HECTD4: variants seen among roughly 807,000 people sequenced by gnomAD.
The protein encoded by HECTD4 is probable E3 ubiquitin-protein ligase HECTD4.
HECTD4 carries 114 observed loss-of-function variants against 471.5 expected under a neutral mutation model. The ratio of observed to expected loss-of-function variants is 0.24; its 90% CI spans 0.21 to 0.28. HECTD4 has a LOEUF of 0.28. Among genes scored for constraint, HECTD4 ranks in the 10% least tolerant of loss-of-function variants. The pLI, the probability that HECTD4 is intolerant of heterozygous loss-of-function variation, is 1.00. For synonymous variants in HECTD4, 2,012 were observed against 2,256.0 expected, an observed-to-expected ratio of 0.89 and a Z score of 3.07; for missense variants, 3,866 against 5,651.5, an observed-to-expected ratio of 0.68 and a Z score of 10.13.
chr12:112,308,923 A>G, intron 5 of HECTD4, 32 bp from the exon 6 acceptor site: 1 of 1,528,682 alleles, frequency 6.5e-7, no homozygotes. Context: ...AGGCTGAATC[A>G]CCTGGCTATG....
chr12:112,327,403 C>CATTAA (rs1044280544), intron 1 of HECTD4, among the ~76,000 whole-genome samples: 3 of 151,750 alleles, frequency 2.0e-5, no homozygotes, highest in Admixed American at 6.6e-5. Context: ...TTAAATAAAA[C>CATTAA]ATTAAATTAA....
At chr12:112,330,557 C>A (rs149851958) in intron 1 of HECTD4, among the ~76,000 whole-genome samples, 1 of 152,144 alleles carries the variant, frequency 6.6e-6, no homozygotes, top group Non-Finnish European at 1.5e-5. Context: ...AGCTCTGATA[C>A]GTGTAACAGT....
rs765717395 is a variant in HECTD4 at position 112,179,431 on chromosome 12, C to T, written c.10988-34G>A. On this transcript the variant is annotated intron_variant, in intron 62 of 75. Transcript: ENST00000682272. This position sits in a 1 kb window ranked among gnomAD's most constrained non-coding sequence, Gnocchi z 4.3. ...TGGAGAGGGGGCAAAACAATTCTGC[C>T]GTGAACATGCATCGGGACAAGCCCT... is the stretch of plus-strand genomic sequence containing the variant. The T allele has an allele frequency of 1.2e-5, 19 of 1,551,086 alleles. 1 individual carries two copies. The highest frequency in any genetic ancestry group is 3.3e-4 in the Middle Eastern group (2 of 5,976).
Position 112,194,804 on chromosome 12 carries a change from T to G in HECTD4, c.8749+81A>C. 7.7e-7 allele frequency: 1 copy of G among 1,303,648 alleles called. No homozygotes were observed. Among genetic ancestry groups the G allele is most frequent in the Non-Finnish European group, 1.1e-6 (1 of 934,680 alleles). 80.8% of individuals were successfully genotyped at this position (1,303,648 alleles called of 1,614,324 possible). A position where few individuals can be genotyped will look rare whatever the true frequency, so the allele number is the denominator to read the frequency against. On this transcript the variant is annotated intron_variant, in intron 56 of 75. Transcript: ENST00000682272. This position sits in a 1 kb window ranked among gnomAD's most constrained non-coding sequence, Gnocchi z 4.6. Reference sequence around the variant, plus strand: ...GCGCACCATGAGGCATTTCTCGCCCTCATGCAGGGAATGACTACACTGTGC... The same window carrying G: ...GCGCACCATGAGGCATTTCTCGCCCGCATGCAGGGAATGACTACACTGTGC...
At chr12:112,176,560 G>T in intron 65 of HECTD4, 36 bp downstream of exon 65, 1 of 1,463,020 alleles carries the variant, frequency 6.8e-7, no homozygotes, top group Non-Finnish European at 9.6e-7. Flanking sequence ...ATGGAAGTAG[G>T]TCCCAGCCCA....
chr12:112,330,033 T>C (rs1295853465), intron 1 of HECTD4, among the ~76,000 whole-genome samples: 1 of 152,030 alleles, frequency 6.6e-6, no homozygotes, highest in East Asian at 1.9e-4. Context: ...TACCAGCACT[T>C]TGGGAGGCCA....
chr12:112,189,937 G>A (rs958519518), intron 60 of HECTD4, among the ~76,000 whole-genome samples: 1 of 152,094 alleles, frequency 6.6e-6, no homozygotes, highest in African/African-American at 2.4e-5. Flanking sequence ...GTATTTAGTA[G>A]AGACAGGGTT....
chr12:112,206,220 G>A (rs2032575737), intron 52 of HECTD4, among the ~76,000 whole-genome samples: 1 of 152,158 alleles, frequency 6.6e-6, no homozygotes. Flanking sequence ...TGTTGGTCAG[G>A]GGCAGTGGCT....
At chr12:112,203,821 C>T in intron 53 of HECTD4, 49 bp from the exon 54 acceptor site, 1 of 1,362,808 alleles carries the variant, frequency 7.3e-7, no homozygotes, top group South Asian at 1.5e-5. Context: ...ACCACTGCAT[C>T]TGGGTTCTTA....
At chr12:112,202,371 A>T (rs2032455546) in intron 54 of HECTD4, among the ~76,000 whole-genome samples, 1 of 151,714 alleles carries the variant, frequency 6.6e-6, no homozygotes, top group South Asian at 2.1e-4. Flanking sequence ...ATGCCCAGCT[A>T]ATTTTTGCAT....
rs547584053 is a variant in HECTD4, at chr12:112,172,594, G to C, written c.11785+77C>G. On this transcript the variant is annotated intron_variant, in intron 67 of 75. Transcript: ENST00000682272. ...TTCGATGGACGTCTAAATGAATCTAGCCCTTGTAAATGCCCCTTGTCATGG... is the reference window on the plus strand; with the variant it reads ...TTCGATGGACGTCTAAATGAATCTACCCCTTGTAAATGCCCCTTGTCATGG... The C allele has an allele frequency of 5.0e-4, 701 of 1,393,284 alleles. 7 individuals are homozygous for C. The South Asian group carries it at 8.0e-3, about 16-fold the overall frequency. The allele number at this position is 1,393,284 out of a possible 1,614,324, so 86.3% of individuals were successfully genotyped here. A position where few individuals can be genotyped will look rare whatever the true frequency, so the allele number is the denominator to read the frequency against.
chr12:112,321,469 T>C (rs527903905), intron 1 of HECTD4, among the ~76,000 whole-genome samples: 6 of 152,284 alleles, frequency 3.9e-5, no homozygotes, highest in African/African-American at 7.2e-5. Context: ...AAACAGATTA[T>C]CAGACAATAG....
chr12:112,203,038 C>G (rs2032472982), intron 54 of HECTD4: 1 of 152,152 alleles, frequency 6.6e-6, no homozygotes, highest in African/African-American at 2.4e-5. Context: ...GCAGCCTTGA[C>G]CTCCCAGGCT....
intron 2 of HECTD4, among the ~76,000 whole-genome samples, chr12:112,315,873 G>A (rs575264152): frequency 7.0e-6 from 1 of 143,452 alleles, no homozygotes; most frequent in African/African-American, 2.6e-5. Flanking sequence ...TCCAGCCTAG[G>A]CAACGGAATG....
At chr12:112,294,160 T>C (rs2034955597) in intron 7 of HECTD4, among the ~76,000 whole-genome samples, 1 of 152,188 alleles carries the variant, frequency 6.6e-6, no homozygotes, top group Non-Finnish European at 1.5e-5. Flanking sequence ...ATTTTTTCTG[T>C]ATCATTCCAA....
At chr12:112,195,998 C>T (rs1258055626) in intron 55 of HECTD4, among the ~76,000 whole-genome samples, 1 of 152,076 alleles carries the variant, frequency 6.6e-6, no homozygotes, top group Non-Finnish European at 1.5e-5. Context: ...TCCCTCTCTA[C>T]AAAAAATAGA....
chr12:112,282,409 A>G (rs2034665778), intron 8 of HECTD4, among the ~76,000 whole-genome samples: 1 of 151,932 alleles, frequency 6.6e-6, no homozygotes, highest in Non-Finnish European at 1.5e-5. Flanking sequence ...AACAAAAAAC[A>G]ACAACAACGA....
intron 65 of HECTD4, 54 bp from the exon 66 acceptor site, chr12:112,175,913 G>A (rs1593896469): frequency 2.3e-5 from 37 of 1,598,808 alleles, no homozygotes; most frequent in Admixed American, 5.1e-5. Context: ...CACATCGCGC[G>A]CCTCCAACGT....
At position 112,247,454 on chromosome 12, in the gene HECTD4, C is replaced by T. The variant is rs7306162; in HGVS notation, c.4337+8G>A. 869 of 1,438,350 alleles carry T rather than the reference C, an allele frequency of 6.0e-4. No individual in the cohort carries two copies. Among genetic ancestry groups the T allele is most frequent in the Admixed American group, 1.6e-3 (75 of 45,968 alleles). 89.1% of individuals were successfully genotyped at this position (1,438,350 alleles called of 1,614,324 possible). A position where few individuals can be genotyped will look rare whatever the true frequency, so the allele number is the denominator to read the frequency against. On this transcript the variant is annotated splice_region_variant and intron_variant, in intron 28 of 75. Transcript: ENST00000682272. Reference sequence around the variant, plus strand: ...ATAATAGCCTTAATAGTTATTAATACGACTAACCTCAGTGATAGGACCATG... The same window carrying T: ...ATAATAGCCTTAATAGTTATTAATATGACTAACCTCAGTGATAGGACCATG...
Sources: gnomAD v4.1 joint callset for allele counts (sites outside exome capture counted in the v4.1 genomes callset) on GRCh38, gnomAD v4.1.1 for gene constraint, Gnocchi (gnomAD v3.1) non-coding constraint, MANE v1.5 for transcripts, NCBI Gene and HGNC (gene_info 2026-07-23, HGNC 2026-07-21) for gene names.